Variants in POLR1A observed in about 807,000 individuals in gnomAD.
POLR1A encodes the protein RNA polymerase I subunit A, also known as DNA-directed RNA polymerase I subunit RPA1.
POLR1A carries 84 observed loss-of-function variants against 205.3 expected under a neutral mutation model. That is an observed-to-expected ratio of 0.41 (90% confidence interval 0.34 to 0.49). The LOEUF (loss-of-function observed/expected upper bound fraction) is 0.49. POLR1A is among the 20% of genes least tolerant of loss of function. POLR1A has a pLI of 0.22. For missense variants in POLR1A, 1,645 were observed against 2,204.5 expected, an observed-to-expected ratio of 0.75 and a Z score of 5.08; for synonymous variants, 799 against 863.7, an observed-to-expected ratio of 0.93 and a Z score of 1.31.
rs751925096 is a variant in POLR1A at position 86,100,009 on chromosome 2, T to C, written c.241A>G (p.Ile81Val). 2.4e-5 allele frequency: 39 copies of C among 1,614,136 alleles called. No homozygotes were observed. Among genetic ancestry groups the C allele is most frequent in the Non-Finnish European group, 3.1e-5 (37 of 1,180,020 alleles). ...TTATACACTGTGAGTGGGAGCTCAA[T>C]GTGGCCCAGGTGCCCAGAACAGTTG... ...FSNCSGHLGH[I>V]ELPLTVYNPL... Residue 81 changes from isoleucine to valine, a missense_variant, in exon 2 of 34, where the codon ATT (isoleucine) becomes GTT (valine). Physicochemically the swap from Ile to Val is conservative, Grantham distance 29. This residue lies in a region of POLR1A where 330 missense variants were observed against 375.6 expected (regional missense o/e 0.88). Coordinates refer to ENST00000263857, the MANE Select transcript of POLR1A (RefSeq NM_015425.6).
At chr2:86,062,021 G>A (rs1673008341) in intron 14 of POLR1A, among the ~76,000 whole-genome samples, 1 of 152,092 alleles carries the variant, frequency 6.6e-6, no homozygotes, top group African/African-American at 2.4e-5. Context: ...AGAGACCTTC[G>A]GTTTGTAAAT....
intron 14 of POLR1A, among the ~76,000 whole-genome samples, chr2:86,061,316 G>A (rs1488848615): frequency 6.6e-6 from 1 of 152,166 alleles, no homozygotes; most frequent in African/African-American, 2.4e-5. Context: ...GTGTGGTGGA[G>A]CACATCTGTA....
At chr2:86,057,263 T>C (rs749515721) in intron 14 of POLR1A, among the ~76,000 whole-genome samples, 15 of 151,982 alleles carry the variant, frequency 9.9e-5, no homozygotes, top group East Asian at 1.9e-4. Context: ...GTAGTAGAAA[T>C]AGAACTAGAA....
Position 86,041,210 on chromosome 2 carries a change from CTGTGTGTGTG to C in POLR1A, c.3573-661_3573-652del, listed in dbSNP as rs67036891. ...GTGTGTGCGCGCTGAGCTACAGTGT[CTGTGTGTGTG>C]TGTGTGTGTGCTGAGCTACAGTGTC... is the stretch of plus-strand genomic sequence containing the variant. On this transcript the variant is annotated intron_variant, in intron 24 of 33. Coordinates refer to ENST00000263857, the MANE Select transcript of POLR1A (RefSeq NM_015425.6). 2.2e-3 allele frequency among the ~76,000 whole-genome samples: 247 copies of C among 114,528 alleles called. 4 individuals carry two copies. Among genetic ancestry groups the C allele is most frequent in the African/African-American group, 9.5e-3 (238 of 24,992 alleles). 75.1% of individuals were successfully genotyped at this position (114,528 alleles called of 152,430 possible).
At chr2:86,036,105 A>C (rs1289042784) in intron 27 of POLR1A, among the ~76,000 whole-genome samples, 3 of 152,188 alleles carry the variant, frequency 2.0e-5, no homozygotes, top group African/African-American at 7.2e-5. Context: ...GTCCCACGTA[A>C]ATAATTACAA....
chr2:86,084,708 CCAGG>C (rs1673471293), intron 6 of POLR1A, among the ~76,000 whole-genome samples: 1 of 150,320 alleles, frequency 6.7e-6, no homozygotes. Context: ...TGCTCGTCAC[CCAGG>C]CTGGAGTGCA....
chr2:86,045,823 T>C (rs956808270), intron 19 of POLR1A, 54 bp from the exon 20 acceptor site: 7 of 1,496,352 alleles, frequency 4.7e-6, no homozygotes, highest in Middle Eastern at 1.7e-4. Context: ...TGTTTAACAG[T>C]GCTTTGTCCC....
intron 31 of POLR1A, among the ~76,000 whole-genome samples, chr2:86,029,140 T>C (rs1672329665): frequency 6.6e-6 from 1 of 152,204 alleles, no homozygotes; most frequent in African/African-American, 2.4e-5. Flanking sequence ...TGCTGGGCCT[T>C]ACCAAGGGGC....
At chr2:86,053,318 C>T (rs896352724) in intron 15 of POLR1A, among the ~76,000 whole-genome samples, 1 of 151,984 alleles carries the variant, frequency 6.6e-6, no homozygotes, top group African/African-American at 2.4e-5. Flanking sequence ...ACTCCCCACA[C>T]CCACCCACGC....
At chr2:86,040,224 G>T (rs1158853804) in intron 25 of POLR1A, 168 bp downstream of exon 25, 1 of 519,952 alleles carries the variant, frequency 1.9e-6, no homozygotes, top group South Asian at 4.9e-5. Context: ...AAACCAGCTG[G>T]GCTCTGGAAA....
intron 31 of POLR1A, among the ~76,000 whole-genome samples, chr2:86,029,363 C>A (rs1325497618): frequency 6.6e-6 from 1 of 151,936 alleles, no homozygotes; most frequent in Non-Finnish European, 1.5e-5. Flanking sequence ...GGCTAGAGGG[C>A]CCCAGTTCCT....
At chr2:86,061,671 T>C (rs1211250753) in intron 14 of POLR1A, among the ~76,000 whole-genome samples, 1 of 152,218 alleles carries the variant, frequency 6.6e-6, no homozygotes, top group Non-Finnish European at 1.5e-5. Context: ...TGATGGCATA[T>C]TCACATAATA....
rs745815407 is a variant in POLR1A, at chr2:86,045,280, T to C, written c.2967A>G (p.Gln989=). The stretch of plus-strand genomic sequence containing the variant: ...GGGGCACGGCAGATACATTTTACCT[T>C]TGGAGATAGCCTGAGCGGCTGGTTT... ...AVKTSRSGYL[Q]RCIIKHLEGL... is the part of the protein sequence containing the mutation. Residue 989 remains glutamine, a splice_region_variant and synonymous_variant, in exon 21 of 34, where the codon CAA becomes CAG. Coordinates refer to ENST00000263857, the MANE Select transcript of POLR1A (RefSeq NM_015425.6). 3 of 1,608,282 alleles carry C rather than the reference T, an allele frequency of 1.9e-6. No individual in the cohort carries two copies. The highest frequency in any genetic ancestry group is 2.6e-6 in the Non-Finnish European group (3 of 1,174,690).
chr2:86,067,520 C>T (rs2104410406), intron 13 of POLR1A, among the ~76,000 whole-genome samples: 1 of 152,216 alleles, frequency 6.6e-6, no homozygotes, highest in Admixed American at 6.5e-5. Context: ...CCATTCAACT[C>T]CTATTTTAAG....
At chr2:86,096,512 A>G (rs1673705667) in intron 3 of POLR1A, among the ~76,000 whole-genome samples, 1 of 152,188 alleles carries the variant, frequency 6.6e-6, no homozygotes, top group South Asian at 2.1e-4. Context: ...GCATCACACT[A>G]CCAGAATTCA....
intron 13 of POLR1A, among the ~76,000 whole-genome samples, chr2:86,068,185 T>C (rs1246133269): frequency 1.3e-5 from 2 of 152,102 alleles, no homozygotes; most frequent in Admixed American, 6.6e-5. Flanking sequence ...ACTCCCCACA[T>C]AGCTAATGCC....
At chr2:86,029,824 T>C (rs1672348955) in intron 31 of POLR1A, among the ~76,000 whole-genome samples, 1 of 151,916 alleles carries the variant, frequency 6.6e-6, no homozygotes, top group Admixed American at 6.6e-5. Flanking sequence ...ATGGTCTTGA[T>C]CTCCTGACCT....
At chr2:86,054,332 G>T (rs1307216112) in intron 14 of POLR1A, 43 bp from the exon 15 acceptor site, 2 of 1,602,454 alleles carry the variant, frequency 1.2e-6, no homozygotes, top group South Asian at 1.1e-5. Context: ...AAAGAAAAGT[G>T]ATGGCAAAAT....
At chr2:86,032,024 G>A (rs1672407214) in intron 29 of POLR1A, among the ~76,000 whole-genome samples, 1 of 152,184 alleles carries the variant, frequency 6.6e-6, no homozygotes, top group African/African-American at 2.4e-5. Flanking sequence ...CTGGATCCTT[G>A]AGTCCGATTT....
Sources: gnomAD v4.1 joint callset for allele counts (sites outside exome capture counted in the v4.1 genomes callset) on GRCh38, gnomAD v4.1.1 for gene constraint, gnomAD v4.1.1 regional missense constraint, MANE v1.5 for transcripts, NCBI Gene and HGNC (gene_info 2026-07-23, HGNC 2026-07-21) for gene names.